The following COL23A1 variants were observed in gnomAD, a reference collection of about 807,000 sequenced individuals.
The protein encoded by COL23A1 is collagen alpha-1(XXIII) chain.
Under a neutral mutation model 99.3 loss-of-function variants are expected in COL23A1, and 97 were observed. That is an observed-to-expected ratio of 0.98 (90% CI 0.83 to 1.16). The LOEUF (loss-of-function observed/expected upper bound fraction) is 1.16. Ranked by LOEUF, COL23A1 falls within the 50% of genes most tolerant of loss-of-function variation. The probability of loss-of-function intolerance (pLI) is 0.00; values close to 1 mark genes in which losing one functional copy is unlikely to be tolerated. For synonymous variants in COL23A1, 320 were observed against 308.2 expected (o/e 1.04, Z -0.40); for missense variants, 762 against 757.4 (o/e 1.01, Z -0.07).
intron 8 of COL23A1, among the ~76,000 whole-genome samples, chr5:178,264,043 G>C (rs1043604818): frequency 6.6e-6 from 1 of 152,192 alleles, no homozygotes; most frequent in Non-Finnish European, 1.5e-5. Context: ...TGGTTGCCAG[G>C]CGTTAGGGAT....
chr5:178,508,024 C>T (rs1257001019), intron 2 of COL23A1, among the ~76,000 whole-genome samples: 1 of 151,580 alleles, frequency 6.6e-6, no homozygotes, highest in Non-Finnish European at 1.5e-5. Flanking sequence ...TTTTCTTCTT[C>T]TTCTTCTTCT....
intron 8 of COL23A1, 83 bp downstream of exon 8, chr5:178,267,224 A>G (rs1561807381): frequency 6.9e-7 from 1 of 1,441,042 alleles, no homozygotes; most frequent in African/African-American, 1.4e-5. Flanking sequence ...GGGAGCTGGG[A>G]CCCAGAAGCA....
rs117781092 is a variant in COL23A1 at position 178,424,109 on chromosome 5, C to T, written c.362-117190G>A. ...AGCTGCTTGGCCTTAGGGGAAGTAA[C>T]GCGCTTGCTCCCTGCTCCAAGGCAG... On this transcript the variant is annotated intron_variant, in intron 2 of 28. Coordinates refer to ENST00000390654, the MANE Select transcript of COL23A1 (RefSeq NM_173465.4). Among the ~76,000 whole-genome samples the T allele has an allele frequency of 1.1e-3, 172 of 152,270 alleles. 4 individuals are homozygous for T. In the East Asian group the frequency reaches 0.031, roughly 27 times the overall value.
At chr5:178,383,095 C>T (rs1265384491) in intron 2 of COL23A1, among the ~76,000 whole-genome samples, 1 of 152,138 alleles carries the variant, frequency 6.6e-6, no homozygotes, top group Non-Finnish European at 1.5e-5. Context: ...ACTTGAGATG[C>T]ATAGGAGCTT....
At chr5:178,410,451 A>G (rs752875337) in intron 2 of COL23A1, among the ~76,000 whole-genome samples, 3 of 152,212 alleles carry the variant, frequency 2.0e-5, no homozygotes, top group Non-Finnish European at 4.4e-5. Context: ...TGGAAGACTC[A>G]CACTTAACCA....
intron 6 of COL23A1, among the ~76,000 whole-genome samples, chr5:178,269,805 A>ATCCATCCG (rs1756182399): frequency 6.6e-6 from 1 of 151,492 alleles, no homozygotes; most frequent in African/African-American, 2.4e-5. Context: ...GCATCCATCC[A>ATCCATCCG]TCCATCCATC....
chr5:178,311,141 C>T (rs139476191), intron 2 of COL23A1, among the ~76,000 whole-genome samples: 55 of 152,284 alleles, frequency 3.6e-4, no homozygotes, highest in Non-Finnish European at 3.2e-4. Flanking sequence ...AGTATTTCAC[C>T]GTGGGTGCCA....
intron 2 of COL23A1, among the ~76,000 whole-genome samples, chr5:178,334,074 C>T (rs1310746702): frequency 2.0e-5 from 3 of 152,176 alleles, no homozygotes; most frequent in South Asian, 4.1e-4. Context: ...ACCCCATGCC[C>T]TGGGGATGTC....
At chr5:178,572,067 C>CAAAAAAAAAAA (rs1288485909) in intron 1 of COL23A1, among the ~76,000 whole-genome samples, 4 of 54,332 alleles carry the variant, frequency 7.4e-5, no homozygotes, top group African/African-American at 6.0e-4. Context: ...GACTCTTTCT[C>CAAAAAAAAAAA]AAAACAAAAA....
rs546985555 is a variant in COL23A1, at chr5:178,350,608, A to G, written c.362-43689T>C. Among the ~76,000 whole-genome samples the G allele has an allele frequency of 2.6e-5, 4 of 152,302 alleles. No individual in the cohort carries two copies. The South Asian group carries it at 8.3e-4, about 32-fold the overall frequency. ...GATAATTATAACCCCGGGTTCCAAG[A>G]GCCACAGAGGAAGTGTGGATATGTT... On this transcript the variant is annotated intron_variant, in intron 2 of 28. Coordinates refer to ENST00000390654, the MANE Select transcript of COL23A1 (RefSeq NM_173465.4).
chr5:178,278,762 G>A (rs1405810677), intron 5 of COL23A1, among the ~76,000 whole-genome samples: 1 of 152,202 alleles, frequency 6.6e-6, no homozygotes, highest in Non-Finnish European at 1.5e-5. Context: ...AGACCTGGGA[G>A]TGAGCTGCTG....
At chr5:178,416,750 T>C (rs879780180) in intron 2 of COL23A1, among the ~76,000 whole-genome samples, 1 of 151,946 alleles carries the variant, frequency 6.6e-6, no homozygotes, top group Non-Finnish European at 1.5e-5. Context: ...AGGTAACTGA[T>C]GAGATCTGGA....
chr5:178,261,964 G>A lies in COL23A1; in HGVS notation c.676-216C>T, dbSNP rs147700680. On this transcript the variant is annotated intron_variant, in intron 10 of 28. Coordinates refer to ENST00000390654, the MANE Select transcript of COL23A1 (RefSeq NM_173465.4). The stretch of plus-strand genomic sequence containing the variant: ...GGGCTCAGGTGGTGGCAAGTGGACC[G>A]CAGCCTCCGCACAGGAATGTGGAGC... 3.3e-5 allele frequency among the ~76,000 whole-genome samples: 5 copies of A among 152,224 alleles called. No homozygotes were observed. The East Asian group carries it at 5.8e-4, about 18-fold the overall frequency.
At chr5:178,444,206 A>T (rs1352903957) in intron 2 of COL23A1, among the ~76,000 whole-genome samples, 1 of 152,236 alleles carries the variant, frequency 6.6e-6, no homozygotes, top group Non-Finnish European at 1.5e-5. Flanking sequence ...TCAATAAAAA[A>T]TAAAAAAGTA....
intron 2 of COL23A1, among the ~76,000 whole-genome samples, chr5:178,372,906 T>TTTTC: frequency 8.1e-6 from 1 of 123,162 alleles, no homozygotes; most frequent in East Asian, 2.3e-4. Flanking sequence ...TTTCTTTTCT[T>TTTTC]TTTCTTTCTT....
intron 26 of COL23A1, 42 bp from the exon 27 acceptor site, chr5:178,242,170 G>A: frequency 6.6e-7 from 1 of 1,524,810 alleles, no homozygotes; most frequent in Non-Finnish European, 8.9e-7. Context: ...ATGGCTGCCA[G>A]GCTTAGGAAC....
chr5:178,358,306 A>G (rs750601520), intron 2 of COL23A1, among the ~76,000 whole-genome samples: 13,787 of 134,674 alleles, frequency 0.1, 861 homozygotes, highest in Middle Eastern at 0.28. Context: ...GTATGTATGT[A>G]TGTGTGTGTA....
intron 2 of COL23A1, among the ~76,000 whole-genome samples, chr5:178,381,081 T>G (rs922116896): frequency 5.3e-5 from 8 of 152,224 alleles, no homozygotes; most frequent in African/African-American, 1.9e-4. Context: ...TACCTGGGCC[T>G]AGAGGGTCTG....
At chr5:178,331,966 A>T (rs1760052987) in intron 2 of COL23A1, among the ~76,000 whole-genome samples, 1 of 152,152 alleles carries the variant, frequency 6.6e-6, no homozygotes, top group Non-Finnish European at 1.5e-5. Context: ...GGCCTGGCTG[A>T]CTAGCCAGCC....
Sources: gnomAD v4.1 joint callset for allele counts (sites outside exome capture counted in the v4.1 genomes callset) on GRCh38, gnomAD v4.1.1 for gene constraint, MANE v1.5 for transcripts, NCBI Gene and HGNC (gene_info 2026-07-23, HGNC 2026-07-21) for gene names.